LLGL2: variants seen among roughly 807,000 people sequenced by gnomAD.
The protein encoded by LLGL2 is LLGL scribble cell polarity complex component 2, also known as LLGL2, scribble cell polarity complex component.
Under a neutral mutation model 123.2 loss-of-function variants are expected in LLGL2, and 81 were observed. That is an observed-to-expected ratio of 0.66 (90% CI 0.55 to 0.79). The LOEUF (loss-of-function observed/expected upper bound fraction) is 0.79, where lower values mean the gene tolerates loss of function less well. LLGL2 is among the 30% of genes least tolerant of loss of function. The pLI, the probability that LLGL2 is intolerant of heterozygous loss-of-function variation, is 0.00. For missense variants in LLGL2, 1,273 were observed against 1,414.6 expected (o/e 0.90, Z 1.61); for synonymous variants, 577 against 594.1 (o/e 0.97, Z 0.42).
In LLGL2 at chr17:75,559,379, C is replaced by T. The variant is rs374809535; in HGVS notation, c.499C>T (p.Arg167Trp). The T allele has an allele frequency of 2.0e-5, 32 of 1,612,524 alleles. No homozygotes were observed. The Admixed American group carries it at 2.2e-4, about 11-fold the overall frequency. ...GCCAGCTTTTCGTGCGCTGGAGGACCGGACCATCAGCTCGGACGCGGTGCT... is the reference window on the plus strand; with the variant it reads ...GCCAGCTTTTCGTGCGCTGGAGGACTGGACCATCAGCTCGGACGCGGTGCT... The part of the protein sequence containing the change: ...QLPAFRALED[R>W]TISSDAVLQR... Residue 167 changes from arginine to tryptophan, a missense_variant, in exon 6 of 26, where the codon CGG becomes TGG. Physicochemically the swap from Arg to Trp is moderately radical, Grantham distance 101. Transcript: ENST00000392550. This position sits in a 1 kb window ranked among gnomAD's most constrained non-coding sequence, Gnocchi z 4.6.
chr17:75,572,735 G>A (rs567121596), intron 19 of LLGL2, among the ~76,000 whole-genome samples: 2 of 151,564 alleles, frequency 1.3e-5, no homozygotes, highest in Non-Finnish European at 2.9e-5. Flanking sequence ...GGCTGAGGCA[G>A]AAGAATTGCC....
intron 2 of LLGL2, among the ~76,000 whole-genome samples, chr17:75,547,594 G>A (rs2147246916): frequency 6.6e-6 from 1 of 152,330 alleles, no homozygotes; most frequent in East Asian, 1.9e-4. Flanking sequence ...GGAGGCTGAG[G>A]TGGGTGGATC....
At position 75,570,053 on chromosome 17, in the gene LLGL2, T is replaced by C. The variant is rs1473351710; in HGVS notation, c.1672T>C (p.Trp558Arg). The C allele has an allele frequency of 6.2e-7, 1 of 1,612,776 alleles. No homozygotes were observed. Among genetic ancestry groups the C allele is most frequent in the Non-Finnish European group, 8.5e-7 (1 of 1,179,846 alleles). Reference protein sequence around the residue: ...DLLQDQEGYRWKGHERLAARS... With the variant: ...DLLQDQEGYRRKGHERLAARS... ...GCTGCAGGACCAAGAGGGCTACCGCTGGAAGGGGCACGAGCGCCTGGCAGC... is the reference window on the plus strand; with the variant it reads ...GCTGCAGGACCAAGAGGGCTACCGCCGGAAGGGGCACGAGCGCCTGGCAGC... Residue 558 changes from tryptophan (W) to arginine (R), a missense_variant, in exon 15 of 26, where the codon TGG becomes CGG. Transcript: ENST00000392550.
chr17:75,563,405 G>A lies in LLGL2; in HGVS notation c.768G>A (p.Gln256=). ...GTCACTCTGACGGCAGCTACTGCCA[G>A]TGGCCCGTGTCCAGCGAAGCCCAGC... ...VSCHSDGSYC[Q]WPVSSEAQQP... is the part of the protein sequence containing the mutation. Residue 256 remains glutamine (Q), a synonymous_variant, in exon 8 of 26, where the codon CAG becomes CAA. Transcript: ENST00000392550. 3 of 1,612,876 alleles carry A rather than the reference G, an allele frequency of 1.9e-6. No homozygotes were observed. The highest frequency in any genetic ancestry group is 1.1e-5 in the South Asian group (1 of 91,082).
At chr17:75,551,688 T>TA (rs2147290645) in intron 2 of LLGL2, among the ~76,000 whole-genome samples, 1 of 152,268 alleles carries the variant, frequency 6.6e-6, no homozygotes, top group South Asian at 2.1e-4. Context: ...AGCAAAAAGT[T>TA]ACAGGCTGTT....
chr17:75,545,928 C>T (rs1008179319), intron 2 of LLGL2, among the ~76,000 whole-genome samples: 3 of 152,112 alleles, frequency 2.0e-5, no homozygotes, highest in Non-Finnish European at 4.4e-5. Flanking sequence ...CTGTCCTGTG[C>T]GTTGTAGATT....
Position 75,570,972 on chromosome 17 carries a change from C to A in LLGL2, c.2048C>A (p.Ala683Asp). 1 of 1,611,526 alleles carries A rather than the reference C, an allele frequency of 6.2e-7. No homozygotes were observed. Among genetic ancestry groups the A allele is most frequent in the Admixed American group, 1.7e-5 (1 of 59,898 alleles). Residue 683 changes from alanine to aspartate, a missense_variant, in exon 17 of 26, where the codon GCT becomes GAT. Physicochemically the swap from Ala to Asp is moderately radical, Grantham distance 126. Transcript: ENST00000392550. The stretch of plus-strand genomic sequence containing the variant: ...CAGGCACAGGAGGGGAGTGCCAAGG[C>A]TGAGCGGCCAGGCCTCCAGAACATG... Reference protein sequence around the residue: ...PGEAQEGSAKAERPGLQNMEL... With the variant: ...PGEAQEGSAKDERPGLQNMEL...
chr17:75,569,164 AGAGG>A, intron 13 of LLGL2, 33 bp downstream of exon 13: 2 of 1,612,850 alleles, frequency 1.2e-6, no homozygotes, highest in Non-Finnish European at 1.7e-6. Context: ...CAGGAAGGGC[AGAGG>A]CCAGCTGGGT....
At chr17:75,557,469 C>T (rs1470616879) in intron 3 of LLGL2, among the ~76,000 whole-genome samples, 1 of 152,228 alleles carries the variant, frequency 6.6e-6, no homozygotes, top group South Asian at 2.1e-4. Flanking sequence ...AGATGAAAAA[C>T]CGGATCAGGT....
At chr17:75,574,385 G>C (rs1270678675) in intron 23 of LLGL2, 68 bp from the exon 24 acceptor site, 1 of 1,540,866 alleles carries the variant, frequency 6.5e-7, no homozygotes, top group Admixed American at 2.0e-5. Flanking sequence ...ACGGAGAAAG[G>C]GGGTGGAAGG....
chr17:75,555,287 GTTC>G (rs1269954738), intron 2 of LLGL2, among the ~76,000 whole-genome samples: 1 of 107,900 alleles, frequency 9.3e-6, no homozygotes, highest in Non-Finnish European at 1.9e-5. Context: ...GGTAATTTTT[GTTC>G]TTTTTTTTTT....
At chr17:75,538,624 G>A (rs1486328898) in intron 1 of LLGL2, 2 of 152,190 alleles carry the variant, frequency 1.3e-5, no homozygotes, top group Non-Finnish European at 2.9e-5. Flanking sequence ...GCTGCTTGTG[G>A]GGGATTCCAC....
chr17:75,574,226 C>T lies in LLGL2; in HGVS notation c.2919C>T (p.Gly973=). The change falls in exon 23 of 26, where the codon GGC becomes GGT. Residue 973 remains glycine (G), a synonymous_variant. Coordinates refer to ENST00000392550, the MANE Select transcript of LLGL2 (RefSeq NM_001031803.2). ...TCTACCTTCCAGAGAAGCAGCCCGG[C>T]CTGGTGATGGAGCGCGCTCTGCTCA... ...TQSDGEEKQP[G]LVMERALLSD... 1 of 1,484,962 alleles carries T rather than the reference C, an allele frequency of 6.7e-7. No individual in the cohort carries two copies. Among genetic ancestry groups the T allele is most frequent in the Non-Finnish European group, 9.0e-7 (1 of 1,108,608 alleles). 92.0% of individuals were successfully genotyped at this position (1,484,962 alleles called of 1,614,324 possible).
rs751211598 is a variant in LLGL2, at chr17:75,564,426, C to A, written c.955C>A (p.His319Asn). ...YGDRHCISVIHDGQQTAFDFT... is the reference protein window; with the variant it reads ...YGDRHCISVINDGQQTAFDFT... The stretch of plus-strand genomic sequence containing the variant: ...GGACCGCCACTGCATCTCAGTGATC[C>A]ACGATGGCCAGCAGACGGCCTTCGA... The change falls in exon 10 of 26, where the codon CAC becomes AAC. Residue 319 changes from histidine to asparagine, a missense_variant. Physicochemically the swap from His to Asn is moderately conservative, Grantham distance 68. Transcript: ENST00000392550. The surrounding 1 kb of genome is among the most constrained non-coding windows in gnomAD (Gnocchi z 4.9). 1.2e-6 allele frequency: 2 copies of A among 1,613,522 alleles called. No homozygotes were observed. Among genetic ancestry groups the A allele is most frequent in the Non-Finnish European group, 1.7e-6 (2 of 1,180,000 alleles).
At chr17:75,567,362 G>A (rs2055485460) in intron 10 of LLGL2, among the ~76,000 whole-genome samples, 1 of 152,154 alleles carries the variant, frequency 6.6e-6, no homozygotes, top group Admixed American at 6.5e-5. Flanking sequence ...TACTCGAGAG[G>A]CTGAGGCAGG....
Position 75,549,241 on chromosome 17 carries a change from C to A in LLGL2, c.75+5740C>A, listed in dbSNP as rs766531665. 6.6e-6 allele frequency among the ~76,000 whole-genome samples: 1 copy of A among 152,154 alleles called. No individual in the cohort carries two copies. Among genetic ancestry groups the A allele is most frequent in the Non-Finnish European group, 1.5e-5 (1 of 68,022 alleles). ...GCACCAGGACAGGGCCACTGAGGACCAAGGGAAGGAACCATGGGACCTCGG... is the reference window on the plus strand; with the variant it reads ...GCACCAGGACAGGGCCACTGAGGACAAAGGGAAGGAACCATGGGACCTCGG... On this transcript the variant is annotated intron_variant, in intron 2 of 25. Coordinates refer to ENST00000392550, the MANE Select transcript of LLGL2 (RefSeq NM_001031803.2). This position sits in a 1 kb window ranked among gnomAD's most constrained non-coding sequence, Gnocchi z 4.0.
chr17:75,539,483 A>T (rs1345384709), intron 1 of LLGL2, among the ~76,000 whole-genome samples: 4 of 151,294 alleles, frequency 2.6e-5, no homozygotes, highest in Admixed American at 1.3e-4. Context: ...GGCTCAAGTG[A>T]TCCTCCCACC....
Position 75,570,350 on chromosome 17 carries a change from G to A in LLGL2, c.1877G>A (p.Cys626Tyr). The change falls in exon 16 of 26, where the codon TGC becomes TAC. Residue 626 changes from cysteine to tyrosine, a missense_variant and splice_region_variant. Physicochemically the swap from Cys to Tyr is radical, Grantham distance 194. Coordinates refer to ENST00000392550, the MANE Select transcript of LLGL2 (RefSeq NM_001031803.2). Reference protein sequence around the residue: ...HQQRRQVFVKCTLHPSDQLAL... With the variant: ...HQQRRQVFVKYTLHPSDQLAL... ...TGACAGCCTGCCATCCCCCCAAGGT[G>A]CACACTGCACCCCAGTGACCAGCTG... 2 of 1,611,780 alleles carry A rather than the reference G, an allele frequency of 1.2e-6. No homozygotes were observed. Among genetic ancestry groups the A allele is most frequent in the East Asian group, 2.2e-5 (1 of 44,830 alleles).
At position 75,564,453 on chromosome 17, in the gene LLGL2, T is replaced by A. The variant is rs1177264383; in HGVS notation, c.982T>A (p.Phe328Ile). The A allele has an allele frequency of 6.2e-7, 1 of 1,613,524 alleles. No homozygotes were observed. The highest frequency in any genetic ancestry group is 1.7e-5 in the Admixed American group (1 of 60,016). ...CGATGGCCAGCAGACGGCCTTCGAC[T>A]TCACCTCCCGTGTCATCGGCTTCAC... ...IHDGQQTAFD[F>I]TSRVIGFTVL... The change falls in exon 10 of 26, where the codon TTC (phenylalanine) becomes ATC (isoleucine). Residue 328 changes from phenylalanine (F) to isoleucine (I), a missense_variant. Phe to Ile is a conservative substitution (Grantham distance 21). Transcript: ENST00000392550. This position sits in a 1 kb window ranked among gnomAD's most constrained non-coding sequence, Gnocchi z 4.9.
Sources: gnomAD v4.1 joint callset for allele counts (sites outside exome capture counted in the v4.1 genomes callset) on GRCh38, gnomAD v4.1.1 for gene constraint, Gnocchi (gnomAD v3.1) non-coding constraint, MANE v1.5 for transcripts, NCBI Gene and HGNC (gene_info 2026-07-23, HGNC 2026-07-21) for gene names.